PLD1: variants seen among roughly 807,000 people sequenced by gnomAD.
PLD1 encodes phospholipase D1, also known as choline phosphatase 1.
Under a neutral mutation model 137.1 loss-of-function variants are expected in PLD1, and 112 were observed. That is an observed-to-expected ratio of 0.82 (90% confidence interval 0.70 to 0.96). PLD1 has a LOEUF of 0.96. PLD1 is among the 40% of genes least tolerant of loss of function. PLD1 has a pLI of 0.00. For synonymous variants in PLD1, 431 were observed against 454.7 expected (o/e 0.95, Z 0.66); for missense variants, 1,321 against 1,342.0 (o/e 0.98, Z 0.24).
intron 18 of PLD1, 99 bp downstream of exon 18, chr3:171,676,616 A>G (rs1350831524): frequency 1.1e-6 from 1 of 920,782 alleles, no homozygotes; most frequent in Non-Finnish European, 1.8e-6. Flanking sequence ...AGTTGTGGCC[A>G]CAACAGTCTC....
intron 25 of PLD1, 97 bp from the exon 26 acceptor site, chr3:171,605,513 T>C (rs1332452909): frequency 2.7e-6 from 2 of 737,894 alleles, no homozygotes; most frequent in Non-Finnish European, 4.9e-6. Flanking sequence ...TGCAAATATA[T>C]ATATGCAAAT....
At chr3:171,642,341 CAGCTACT>C (rs1735824087) in intron 23 of PLD1, among the ~76,000 whole-genome samples, 1 of 151,232 alleles carries the variant, frequency 6.6e-6, no homozygotes, top group Non-Finnish European at 1.5e-5. Context: ...CCTGTAATCC[CAGCTACT>C]CGGGAGGCTG....
Position 171,602,273 on chromosome 3 carries a change from G to A in PLD1, c.*805C>T, listed in dbSNP as rs1329272459. On this transcript the variant is annotated 3_prime_UTR_variant, in exon 27 of 27. Coordinates refer to ENST00000351298, the MANE Select transcript of PLD1 (RefSeq NM_002662.5). ...CGAAGGCTGTGTGCTCTCAGTTTTA[G>A]CTGGTTGTTACGTAATCAAATATCC... 6.6e-6 allele frequency: 1 copy of A among 152,208 alleles called. No homozygotes were observed. The highest frequency in any genetic ancestry group is 2.1e-4 in the South Asian group (1 of 4,832). The allele number at this position is 152,208 out of a possible 1,614,324, so 9.4% of individuals were successfully genotyped here.
intron 13 of PLD1, among the ~76,000 whole-genome samples, chr3:171,689,328 T>C (rs1251352584): frequency 6.6e-6 from 1 of 152,236 alleles, no homozygotes; most frequent in Non-Finnish European, 1.5e-5. Context: ...AATATAGGCA[T>C]ATAGATATTT....
At chr3:171,770,445 C>T (rs1205446107) in intron 1 of PLD1, among the ~76,000 whole-genome samples, 1 of 152,202 alleles carries the variant, frequency 6.6e-6, no homozygotes, top group Admixed American at 6.5e-5. Flanking sequence ...CAGACAAGCA[C>T]GCACCAGTGG....
intron 16 of PLD1, among the ~76,000 whole-genome samples, chr3:171,678,602 A>C (rs755963249): frequency 4.6e-5 from 7 of 152,270 alleles, no homozygotes; most frequent in Non-Finnish European, 1.0e-4. Flanking sequence ...TGTTGAATGA[A>C]TAAATGGTAC....
rs939935560 is a variant in PLD1 at position 171,709,510 on chromosome 3, A to G, written c.1061+50T>C. ...TTCCAGGTGAATTTAGGCCAGTGTA[A>G]TATTAGATGCTATGACTGCCTTGAC... On this transcript the variant is annotated intron_variant, in intron 10 of 26. Coordinates refer to ENST00000351298, the MANE Select transcript of PLD1 (RefSeq NM_002662.5). 8 of 1,538,220 alleles carry G rather than the reference A, an allele frequency of 5.2e-6. No individual in the cohort carries two copies. In the African/African-American group the frequency reaches 8.2e-5, roughly 16 times the overall value.
At chr3:171,633,448 G>C (rs1734845224) in intron 23 of PLD1, among the ~76,000 whole-genome samples, 1 of 152,124 alleles carries the variant, frequency 6.6e-6, no homozygotes, top group Non-Finnish European at 1.5e-5. Context: ...TACCTGTTGT[G>C]AACATTGGTG....
In PLD1 at chr3:171,602,437, C is replaced by T. The variant is rs9822322; in HGVS notation, c.*641G>A. 78,819 of 152,346 alleles carry T rather than the reference C, an allele frequency of 0.52. 21,643 individuals are homozygous for T. The highest frequency in any genetic ancestry group is 0.71 in the African/African-American group (29,644 of 41,472). 9.4% of individuals were successfully genotyped at this position (152,346 alleles called of 1,614,324 possible). ...CCTGTTGCTTAGTGGTGTCAAGATA[C>T]AGTGTCAATGTTACCAGAAGTGCCT... On this transcript the variant is annotated 3_prime_UTR_variant, in exon 27 of 27. Coordinates refer to ENST00000351298, the MANE Select transcript of PLD1 (RefSeq NM_002662.5).
intron 23 of PLD1, among the ~76,000 whole-genome samples, chr3:171,620,992 G>A (rs1414580918): frequency 6.6e-6 from 1 of 151,818 alleles, no homozygotes; most frequent in East Asian, 1.9e-4. Flanking sequence ...TGCAAGGTGT[G>A]TGCCAAACCA....
intron 23 of PLD1, among the ~76,000 whole-genome samples, chr3:171,639,731 A>T (rs1735568309): frequency 7.4e-6 from 1 of 134,906 alleles, no homozygotes; most frequent in Admixed American, 8.5e-5. Flanking sequence ...ACATATATTC[A>T]TACATATATC....
At chr3:171,683,680 C>T (rs1056255045) in intron 16 of PLD1, among the ~76,000 whole-genome samples, 2 of 152,178 alleles carry the variant, frequency 1.3e-5, no homozygotes, top group East Asian at 1.9e-4. Flanking sequence ...AACTATTCTC[C>T]GTGATAATTA....
chr3:171,722,630 A>G (rs1578355404), intron 8 of PLD1, among the ~76,000 whole-genome samples: 1 of 152,152 alleles, frequency 6.6e-6, no homozygotes, highest in East Asian at 1.9e-4. Context: ...GTTCATCCAC[A>G]TTGTAGCATG....
chr3:171,747,271 C>T (rs557527845), intron 1 of PLD1, among the ~76,000 whole-genome samples: 5 of 152,202 alleles, frequency 3.3e-5, no homozygotes, highest in African/African-American at 1.2e-4. Context: ...AGACACAATA[C>T]TAGGGCAGGT....
At chr3:171,775,274 T>A (rs1328042482) in intron 1 of PLD1, among the ~76,000 whole-genome samples, 1 of 152,084 alleles carries the variant, frequency 6.6e-6, no homozygotes, top group East Asian at 1.9e-4. Context: ...TTTCCACTCA[T>A]CACTATTTCA....
At chr3:171,781,533 A>G (rs2108341772) in intron 1 of PLD1, among the ~76,000 whole-genome samples, 1 of 152,332 alleles carries the variant, frequency 6.6e-6, no homozygotes, top group East Asian at 1.9e-4. Context: ...CTAATATTTT[A>G]TAATACATAA....
intron 5 of PLD1, 92 bp downstream of exon 5, chr3:171,734,773 G>T: frequency 1.3e-6 from 1 of 741,668 alleles, no homozygotes; most frequent in Non-Finnish European, 2.4e-6. Context: ...GAGAGGAGTT[G>T]TAGCCAGGCC....
intron 11 of PLD1, among the ~76,000 whole-genome samples, chr3:171,704,471 A>AAC (rs1716515336): frequency 6.6e-6 from 1 of 151,614 alleles, no homozygotes; most frequent in African/African-American, 2.4e-5. Flanking sequence ...AAAAAAAAAA[A>AAC]AAAAAACCTT....
At chr3:171,761,615 G>C (rs756844528) in intron 1 of PLD1, among the ~76,000 whole-genome samples, 29 of 152,154 alleles carry the variant, frequency 1.9e-4, no homozygotes, top group Non-Finnish European at 4.3e-4. Context: ...TTCAAACTCA[G>C]GTGTCAAGAA....
Sources: allele counts gnomAD v4.1 joint callset (sites outside exome capture counted in the v4.1 genomes callset), GRCh38; gene constraint gnomAD v4.1.1; transcripts MANE v1.5; gene names NCBI Gene and HGNC (gene_info 2026-07-23, HGNC 2026-07-21).